The following GNB4 variants were observed in gnomAD, a reference collection of about 807,000 sequenced individuals.
GNB4 encodes guanine nucleotide-binding protein subunit beta-4.
GNB4 carries 28 observed loss-of-function variants against 45.2 expected under a neutral mutation model. The observed-to-expected ratio is 0.62, with a 90% CI of 0.46 to 0.85. The LOEUF is 0.85. Ranked by LOEUF, GNB4 falls within the 40% of genes least tolerant of loss-of-function variation. GNB4 has a pLI of 0.00. For synonymous variants in GNB4, 132 were observed against 143.7 expected (o/e 0.92, Z 0.58); for missense variants, 321 against 425.4 (o/e 0.75, Z 2.16).
chr3:179,410,655 T>G (rs1714625722), intron 8 of GNB4: 1 of 152,196 alleles, frequency 6.6e-6, no homozygotes, highest in African/African-American at 2.4e-5. Flanking sequence ...TATGACCTCA[T>G]TTTAACCAAT....
intron 1 of GNB4, among the ~76,000 whole-genome samples, chr3:179,445,621 A>G (rs764805335): frequency 6.6e-6 from 1 of 152,252 alleles, no homozygotes; most frequent in Non-Finnish European, 1.5e-5. Context: ...TTAATGTTTA[A>G]GGATATTCAT....
At chr3:179,489,145 T>C in the GNB4 span, among the ~76,000 whole-genome samples, 1 of 148,602 alleles carries the variant, frequency 6.7e-6, no homozygotes, top group African/African-American at 2.5e-5. Context: ...ATAAAACTTT[T>C]ATAAATACCA....
chr3:179,519,147 A>T, the GNB4 span, among the ~76,000 whole-genome samples: 2 of 152,230 alleles, frequency 1.3e-5, no homozygotes, highest in Non-Finnish European at 2.9e-5. Flanking sequence ...CAAGTGCCAG[A>T]AATATGGCCA....
chr3:179,464,423 C>A, the GNB4 span: 2 of 1,469,452 alleles, frequency 1.4e-6, no homozygotes, highest in Non-Finnish European at 1.9e-6. Flanking sequence ...TCTGCCCTCG[C>A]CCCTTCCACC....
the GNB4 span, among the ~76,000 whole-genome samples, chr3:179,461,984 G>A: frequency 1.3e-5 from 2 of 152,158 alleles, no homozygotes. Flanking sequence ...TGTTGGCTAA[G>A]CACTTACAAC....
chr3:179,418,416 G>A (rs1279728104), intron 4 of GNB4, among the ~76,000 whole-genome samples: 28 of 140,008 alleles, frequency 2.0e-4, no homozygotes, highest in Admixed American at 1.5e-3. Flanking sequence ...GTTGCAGTGA[G>A]CCGATACCAC....
At chr3:179,508,475 A>G in the GNB4 span, among the ~76,000 whole-genome samples, 1 of 152,256 alleles carries the variant, frequency 6.6e-6, no homozygotes, top group Admixed American at 6.5e-5. Context: ...ATAGATAGCT[A>G]TCTGCTTACA....
the GNB4 span, among the ~76,000 whole-genome samples, chr3:179,476,307 G>C: frequency 1.3e-5 from 2 of 152,224 alleles, no homozygotes; most frequent in Non-Finnish European, 2.9e-5. Flanking sequence ...AATTTTATTT[G>C]ACCCTATATC....
the GNB4 span, chr3:179,465,448 C>CA: frequency 0.023 from 7,038 of 304,682 alleles, 6 homozygotes; most frequent in South Asian, 0.032. Context: ...ACTAAAAATA[C>CA]AAAAAAAAAA....
chr3:179,492,818 C>G, the GNB4 span, among the ~76,000 whole-genome samples: 2 of 152,192 alleles, frequency 1.3e-5, no homozygotes, highest in African/African-American at 4.8e-5. Flanking sequence ...TCTTTGCCCC[C>G]TCAAGGTAAA....
chr3:179,483,938 C>T, the GNB4 span, among the ~76,000 whole-genome samples: 1 of 152,204 alleles, frequency 6.6e-6, no homozygotes, highest in Non-Finnish European at 1.5e-5. Context: ...GAATCATCCT[C>T]TACCCATTCC....
chr3:179,481,917 T>C, the GNB4 span, among the ~76,000 whole-genome samples: 1 of 152,194 alleles, frequency 6.6e-6, no homozygotes, highest in African/African-American at 2.4e-5. Flanking sequence ...TTTTTCATTT[T>C]GCTGAGACAG....
chr3:179,420,466 A>T (rs745542490), intron 3 of GNB4, among the ~76,000 whole-genome samples: 1 of 83,494 alleles, frequency 1.2e-5, no homozygotes, highest in African/African-American at 3.8e-5. Context: ...ATATATATAT[A>T]TATATTTTTT....
chr3:179,449,234 G>T (rs1715810606), intron 1 of GNB4, among the ~76,000 whole-genome samples: 1 of 152,128 alleles, frequency 6.6e-6, no homozygotes, highest in Non-Finnish European at 1.5e-5. Flanking sequence ...GTTTTATCAA[G>T]ATAATTAAGC....
rs1461537549 is a variant in GNB4 at position 179,400,820 on chromosome 3, C to A, written c.*393G>T. Reference sequence around the variant, plus strand: ...CTGTCTGTTTCTGTGCCTGGTTCTTCCATTACAAAACTCAAAAATATGACA... The same window carrying A: ...CTGTCTGTTTCTGTGCCTGGTTCTTACATTACAAAACTCAAAAATATGACA... On this transcript the variant is annotated 3_prime_UTR_variant, in exon 10 of 10. Coordinates refer to ENST00000232564, the MANE Select transcript of GNB4 (RefSeq NM_021629.4). The A allele has an allele frequency of 6.5e-6, 1 of 154,502 alleles. No individual in the cohort carries two copies. The highest frequency in any genetic ancestry group is 1.4e-5 in the Non-Finnish European group (1 of 69,786). 9.6% of individuals were successfully genotyped at this position (154,502 alleles called of 1,614,324 possible).
chr3:179,416,475 A>G lies in GNB4; in HGVS notation c.267+18T>C, dbSNP rs756448821. On this transcript the variant is annotated intron_variant, in intron 5 of 9. Coordinates refer to ENST00000232564, the MANE Select transcript of GNB4 (RefSeq NM_021629.4). ...AACAAATATAAGGTTATTTAAAAGA[A>G]TTATGAAGAAATTCTACCTTATTTG... The G allele has an allele frequency of 7.0e-7, 1 of 1,434,056 alleles. No individual in the cohort carries two copies. The highest frequency in any genetic ancestry group is 1.8e-4 in the Middle Eastern group (1 of 5,684). 88.8% of individuals were successfully genotyped at this position (1,434,056 alleles called of 1,614,324 possible). A position where few individuals can be genotyped will look rare whatever the true frequency, so the allele number is the denominator to read the frequency against.
intron 1 of GNB4, among the ~76,000 whole-genome samples, chr3:179,434,809 A>G (rs376885599): frequency 1.3e-5 from 2 of 151,868 alleles, no homozygotes; most frequent in East Asian, 1.9e-4. Context: ...AGCAACTCCA[A>G]CGGCTGAGGA....
the GNB4 span, among the ~76,000 whole-genome samples, chr3:179,485,824 C>CT: frequency 2.0e-5 from 3 of 152,118 alleles, no homozygotes; most frequent in Non-Finnish European, 2.9e-5. Context: ...CCTGTAGTCG[C>CT]AGCTACTCAG....
the GNB4 span, among the ~76,000 whole-genome samples, chr3:179,484,602 T>G: frequency 4.6e-3 from 688 of 149,706 alleles, 6 homozygotes; most frequent in African/African-American, 0.017. Context: ...CATTTTTTTT[T>G]TTTGCATTTT....
Sources: allele counts gnomAD v4.1 joint callset (sites outside exome capture counted in the v4.1 genomes callset), GRCh38; gene constraint gnomAD v4.1.1; transcripts MANE v1.5; gene names NCBI Gene and HGNC (gene_info 2026-07-23, HGNC 2026-07-21).